The following GNL3L variants were observed in gnomAD, a reference collection of about 807,000 sequenced individuals.
The protein encoded by GNL3L is guanine nucleotide-binding protein-like 3-like protein.
A neutral mutation model predicts 42.9 loss-of-function variants in GNL3L; 4 were observed. The ratio of observed to expected loss-of-function variants is 0.09; its 90% CI spans 0.05 to 0.21. The LOEUF is 0.21. GNL3L is among the 10% of genes least tolerant of loss of function. The pLI, the probability that GNL3L is intolerant of heterozygous loss-of-function variation, is 1.00. For synonymous variants in GNL3L, 159 were observed against 176.3 expected, an observed-to-expected ratio of 0.90 and a Z score of 0.78; for missense variants, 412 against 481.7, an observed-to-expected ratio of 0.86 and a Z score of 1.36.
At chrX:54,546,305 C>T (rs1037243426) in intron 8 of GNL3L, among the ~76,000 whole-genome samples, 4 of 110,850 alleles carry the variant, frequency 3.6e-5, no homozygotes, top group African/African-American at 9.9e-5. Flanking sequence ...TGTGCCTTTT[C>T]GAGGCTGAAT....
At chrX:54,629,941 T>A in the GNL3L span, among the ~76,000 whole-genome samples, 1 of 111,998 alleles carries the variant, frequency 8.9e-6, no homozygotes, top group South Asian at 3.7e-4. Context: ...CTGCTTGTTA[T>A]CAGTCTATTC....
intron 5 of GNL3L, among the ~76,000 whole-genome samples, chrX:54,542,709 C>T (rs1273016579): frequency 8.9e-6 from 1 of 111,851 alleles, no homozygotes; most frequent in Non-Finnish European, 1.9e-5. Context: ...TTTCCAGTCC[C>T]ACCAACAGTG....
At chrX:54,544,000 C>T (rs1924698776) in intron 7 of GNL3L, 1 of 327,034 alleles carries the variant, frequency 3.1e-6, no homozygotes, top group Non-Finnish European at 5.3e-6. Context: ...GTCCATTTTC[C>T]CTGAGGGAAC....
In GNL3L at chrX:54,567,115, G is replaced by A. The variant is rs1029504208; in HGVS notation, c.*6513G>A. Among the ~76,000 whole-genome samples the A allele has an allele frequency of 9.0e-6, 1 of 111,496 alleles. No individual in the cohort carries two copies. The highest frequency in any genetic ancestry group is 1.9e-5 in the Non-Finnish European group (1 of 53,157). ...AGTCAATTTTTGTATATGGTACAAG[G>A]TATGAATCTATGCTTTTTAAAAAAA... On this transcript the variant is annotated 3_prime_UTR_variant, in exon 16 of 16. Transcript: ENST00000360845.
At chrX:54,580,104 C>T (rs1925692609) in intron 16 of GNL3L, among the ~76,000 whole-genome samples, 1 of 98,908 alleles carries the variant, frequency 1.0e-5, no homozygotes, top group South Asian at 5.2e-4. Context: ...CCCATTAACT[C>T]GTCATTTAAC....
At chrX:54,589,110 ACAT>A (rs1033877256) in intron 16 of GNL3L, among the ~76,000 whole-genome samples, 8 of 111,711 alleles carry the variant, frequency 7.2e-5, no homozygotes, top group Admixed American at 9.5e-5. Flanking sequence ...TGAAATGAAC[ACAT>A]CATGGAGAAT....
chrX:54,620,030 A>G (rs1926269041), intron 16 of GNL3L, among the ~76,000 whole-genome samples: 1 of 111,344 alleles, frequency 9.0e-6, no homozygotes, highest in Non-Finnish European at 1.9e-5. Context: ...AATGGGGTAC[A>G]TGAAATTTGC....
At chrX:54,608,002 A>G (rs1926118013) in intron 16 of GNL3L, among the ~76,000 whole-genome samples, 1 of 112,463 alleles carries the variant, frequency 8.9e-6, no homozygotes, top group South Asian at 3.6e-4. Flanking sequence ...AAAGCAAGTC[A>G]TAAAAGAAAA....
intron 16 of GNL3L, among the ~76,000 whole-genome samples, chrX:54,607,782 T>A (rs1164867418): frequency 8.9e-6 from 1 of 112,068 alleles, no homozygotes; most frequent in Non-Finnish European, 1.9e-5. Context: ...ATCTCACATA[T>A]TTACATGAGG....
intron 16 of GNL3L, among the ~76,000 whole-genome samples, chrX:54,591,174 T>A (rs905575849): frequency 1.2e-4 from 13 of 111,564 alleles, no homozygotes; most frequent in South Asian, 1.1e-3. Flanking sequence ...ATTTGTTTTT[T>A]GTATATGGTG....
chrX:54,630,655 C>CTTCCTTCCT, the GNL3L span, among the ~76,000 whole-genome samples: 3 of 49,435 alleles, frequency 6.1e-5, no homozygotes, highest in African/African-American at 1.0e-4. Flanking sequence ...GTTTTCTTTT[C>CTTCCTTCCT]TCCTTCTTTC....
the GNL3L span, among the ~76,000 whole-genome samples, chrX:54,645,164 T>C: frequency 9.0e-6 from 1 of 111,605 alleles, no homozygotes; most frequent in African/African-American, 3.2e-5. Flanking sequence ...AAATAGAGAT[T>C]ATTTTGCTCC....
the GNL3L span, among the ~76,000 whole-genome samples, chrX:54,639,267 A>G: frequency 9.0e-6 from 1 of 111,342 alleles, no homozygotes; most frequent in African/African-American, 3.3e-5. Context: ...AGCTCTCCAA[A>G]TCAGGCACGA....
At chrX:54,556,501 A>G (rs915197333) in intron 14 of GNL3L, among the ~76,000 whole-genome samples, 5 of 110,762 alleles carry the variant, frequency 4.5e-5, no homozygotes, top group Non-Finnish European at 9.5e-5. Flanking sequence ...GACACAGCCA[A>G]ACCCTATCAA....
chrX:54,591,121 G>A (rs1213120896), intron 16 of GNL3L, among the ~76,000 whole-genome samples: 2 of 111,215 alleles, frequency 1.8e-5, no homozygotes, highest in Non-Finnish European at 3.8e-5. Context: ...GTGAGCCACC[G>A]TCCCCAGCCT....
At chrX:54,570,151 A>G (rs999117550), downstream of GNL3L, among the ~76,000 whole-genome samples, 3 of 111,860 alleles carry the variant, frequency 2.7e-5, no homozygotes, top group East Asian at 2.8e-4. Flanking sequence ...AGAGAGGACT[A>G]TCGAAGTCCC....
At chrX:54,645,627 G>C in the GNL3L span, among the ~76,000 whole-genome samples, 1 of 111,803 alleles carries the variant, frequency 8.9e-6, no homozygotes, top group Non-Finnish European at 1.9e-5. Flanking sequence ...AGTGAGATTT[G>C]TCTGTGGCTT....
At chrX:54,607,082 C>CTTCTTTCTTTCT (rs751343853) in intron 16 of GNL3L, among the ~76,000 whole-genome samples, 355 of 21,940 alleles carry the variant, frequency 0.016, 13 homozygotes, top group East Asian at 0.046. Context: ...CTCTTTCTTT[C>CTTCTTTCTTTCT]TTCTTTCTTT....
At chrX:54,592,725 G>C (rs1036457401) in intron 16 of GNL3L, among the ~76,000 whole-genome samples, 1 of 109,598 alleles carries the variant, frequency 9.1e-6, no homozygotes, top group Non-Finnish European at 1.9e-5. Context: ...TCAGGTGGGA[G>C]GATCACCTGA....
Sources: allele counts gnomAD v4.1 joint callset (sites outside exome capture counted in the v4.1 genomes callset), GRCh38; gene constraint gnomAD v4.1.1; transcripts MANE v1.5; gene names NCBI Gene and HGNC (gene_info 2026-07-23, HGNC 2026-07-21).